Variants in GRM8 observed in about 807,000 individuals in gnomAD.
The protein encoded by GRM8 is metabotropic glutamate receptor 8.
A neutral mutation model predicts 87.2 loss-of-function variants in GRM8; 47 were observed. The observed-to-expected ratio is 0.54, with a 90% CI of 0.43 to 0.69. The LOEUF is 0.69. GRM8 is among the 30% of genes least tolerant of loss of function. The pLI is 0.00. For missense variants in GRM8, 1,019 were observed against 1,139.2 expected (o/e 0.89, Z 1.52); for synonymous variants, 396 against 404.5 (o/e 0.98, Z 0.25).
chr7:126,785,997 CAGTCTTTTGAGGT>C (rs1251102034), intron 6 of GRM8, among the ~76,000 whole-genome samples: 7 of 152,100 alleles, frequency 4.6e-5, no homozygotes, highest in African/African-American at 1.7e-4. Flanking sequence ...TTAATTTTAC[CAGTCTTTTGAGGT>C]TTTCTGGAGC....
chr7:126,712,755 A>C (rs1563115208), intron 7 of GRM8, among the ~76,000 whole-genome samples: 1 of 152,206 alleles, frequency 6.6e-6, no homozygotes, highest in East Asian at 1.9e-4. Flanking sequence ...ATTTACAAGA[A>C]AAAAACCCCA....
At chr7:126,479,756 ACAG>A (rs766463110) in intron 9 of GRM8, among the ~76,000 whole-genome samples, 2,654 of 149,284 alleles carry the variant, frequency 0.018, 37 homozygotes, top group Non-Finnish European at 0.024. Flanking sequence ...AGACAGACAG[ACAG>A]ACAGACAGAC....
At chr7:127,020,028 C>T (rs986902421) in intron 3 of GRM8, among the ~76,000 whole-genome samples, 1 of 152,020 alleles carries the variant, frequency 6.6e-6, no homozygotes, top group African/African-American at 2.4e-5. Flanking sequence ...CAGAACAGAT[C>T]CCAACCTAAT....
chr7:126,479,858 A>G (rs1806457428), intron 9 of GRM8, among the ~76,000 whole-genome samples: 1 of 152,092 alleles, frequency 6.6e-6, no homozygotes, highest in Non-Finnish European at 1.5e-5. Context: ...TAGCTCTATC[A>G]TATTATAATC....
At chr7:126,700,604 T>C (rs948381033) in intron 7 of GRM8, among the ~76,000 whole-genome samples, 1 of 152,124 alleles carries the variant, frequency 6.6e-6, no homozygotes, top group Non-Finnish European at 1.5e-5. Context: ...AAGAAATAAA[T>C]TACATAATTT....
At chr7:126,841,445 T>C (rs1271854184) in intron 6 of GRM8, among the ~76,000 whole-genome samples, 2 of 152,120 alleles carry the variant, frequency 1.3e-5, no homozygotes, top group African/African-American at 4.8e-5. Context: ...TATCTTTTCA[T>C]AGAGTCTTGG....
At chr7:127,230,179 G>A (rs1376689929) in intron 2 of GRM8, among the ~76,000 whole-genome samples, 2 of 152,094 alleles carry the variant, frequency 1.3e-5, no homozygotes, top group African/African-American at 4.8e-5. Flanking sequence ...ACAGCATTGT[G>A]CCCTCTGGGT....
At chr7:127,232,838 T>C (rs1797770521) in intron 2 of GRM8, among the ~76,000 whole-genome samples, 1 of 152,076 alleles carries the variant, frequency 6.6e-6, no homozygotes. Context: ...ACTGGGGTTT[T>C]TTGTTTTTGT....
chr7:126,649,534 T>A (rs1803551081), intron 7 of GRM8, among the ~76,000 whole-genome samples: 1 of 152,130 alleles, frequency 6.6e-6, no homozygotes. Flanking sequence ...TAATAAACTG[T>A]CTTTTATATA....
chr7:126,926,864 A>G (rs1416041538), intron 3 of GRM8, among the ~76,000 whole-genome samples: 1 of 152,242 alleles, frequency 6.6e-6, no homozygotes, highest in Non-Finnish European at 1.5e-5. Flanking sequence ...TCATTCAAAC[A>G]GATTATAAAC....
At chr7:126,584,866 G>C (rs1468155) in intron 8 of GRM8, among the ~76,000 whole-genome samples, 1 of 151,658 alleles carries the variant, frequency 6.6e-6, no homozygotes, top group African/African-American at 2.4e-5. Context: ...TAGTCATTTT[G>C]AATAATTTTT....
chr7:127,050,302 G>A (rs1249579318), intron 3 of GRM8, among the ~76,000 whole-genome samples: 2 of 152,104 alleles, frequency 1.3e-5, no homozygotes, highest in Non-Finnish European at 1.5e-5. Flanking sequence ...CTGATAAGGA[G>A]CCCTCATTTT....
chr7:126,559,729 C>A (rs187662956), intron 8 of GRM8, among the ~76,000 whole-genome samples: 2 of 152,282 alleles, frequency 1.3e-5, no homozygotes, highest in Non-Finnish European at 2.9e-5. Flanking sequence ...ACCTGTAAAT[C>A]TGAGTATGAA....
chr7:126,683,350 A>G (rs1351212348), intron 7 of GRM8, among the ~76,000 whole-genome samples: 1 of 152,228 alleles, frequency 6.6e-6, no homozygotes, highest in Non-Finnish European at 1.5e-5. Flanking sequence ...GTTTGGTGCT[A>G]TGACTAACTC....
At chr7:127,144,111 A>T (rs747087743) in intron 2 of GRM8, among the ~76,000 whole-genome samples, 2 of 152,078 alleles carry the variant, frequency 1.3e-5, no homozygotes, top group African/African-American at 2.4e-5. Context: ...CAGATACAGG[A>T]TTGTTTTGAG....
At chr7:127,060,066 G>A (rs955010455) in intron 3 of GRM8, among the ~76,000 whole-genome samples, 17 of 152,176 alleles carry the variant, frequency 1.1e-4, no homozygotes, top group African/African-American at 3.6e-4. Flanking sequence ...TCCTCAAGAG[G>A]TGTTTAGAAA....
chr7:126,659,008 G>C (rs1049223793), intron 7 of GRM8, among the ~76,000 whole-genome samples: 5 of 152,046 alleles, frequency 3.3e-5, no homozygotes, highest in African/African-American at 1.2e-4. Flanking sequence ...CAACACACTT[G>C]TAGGTAATTA....
intron 3 of GRM8, among the ~76,000 whole-genome samples, chr7:126,964,750 G>T (rs1809670524): frequency 6.6e-6 from 1 of 152,164 alleles, no homozygotes; most frequent in African/African-American, 2.4e-5. Context: ...AGACAGTGTG[G>T]CAATTCCTCA....
At chr7:126,716,000 T>C (rs1811697016) in intron 7 of GRM8, among the ~76,000 whole-genome samples, 1 of 152,190 alleles carries the variant, frequency 6.6e-6, no homozygotes, top group African/African-American at 2.4e-5. Flanking sequence ...TTTTTTCACA[T>C]GCATAAGTCC....
Sources: gnomAD v4.1 joint callset for allele counts (sites outside exome capture counted in the v4.1 genomes callset) on GRCh38, gnomAD v4.1.1 for gene constraint, MANE v1.5 for transcripts, NCBI Gene and HGNC (gene_info 2026-07-23, HGNC 2026-07-21) for gene names.